The following ASH1L variants were observed in gnomAD, a reference collection of about 807,000 sequenced individuals.
ASH1L encodes the protein histone-lysine N-methyltransferase ASH1L.
In ASH1L, 23 loss-of-function variants were observed where a neutral mutation model predicts 269.0. The observed-to-expected ratio is 0.09, with a 90% CI of 0.06 to 0.12. ASH1L has a LOEUF of 0.12. Ranked by LOEUF, ASH1L falls within the 10% of genes least tolerant of loss-of-function variation. ASH1L has a pLI of 1.00. For synonymous variants in ASH1L, 1,187 were observed against 1,253.5 expected, an observed-to-expected ratio of 0.95 and a Z score of 1.12; for missense variants, 2,912 against 3,567.8, an observed-to-expected ratio of 0.82 and a Z score of 4.68.
chr1:155,341,427 T>C (rs1030903718), intron 25 of ASH1L, among the ~76,000 whole-genome samples: 5 of 152,030 alleles, frequency 3.3e-5, no homozygotes, highest in Admixed American at 2.0e-4. Flanking sequence ...CCGCCCACCT[T>C]GGCCTCCCAA....
At chr1:155,341,913 G>A in intron 25 of ASH1L, 23 bp downstream of exon 25, 1 of 1,612,678 alleles carries the variant, frequency 6.2e-7, no homozygotes, top group South Asian at 1.1e-5. Context: ...AACATGTAGT[G>A]TTAAGAAAGG....
intron 12 of ASH1L, among the ~76,000 whole-genome samples, chr1:155,362,267 C>T (rs1655031431): frequency 6.6e-6 from 1 of 151,988 alleles, no homozygotes; most frequent in Admixed American, 6.6e-5. Flanking sequence ...ATCTCCTGAG[C>T]TCGTGATCCG....
chr1:155,480,095 T>G lies in ASH1L; in HGVS notation c.2775A>C (p.Glu925Asp). 1.2e-6 allele frequency: 2 copies of G among 1,614,146 alleles called. No homozygotes were observed. Among genetic ancestry groups the G allele is most frequent in the Non-Finnish European group, 1.7e-6 (2 of 1,180,020 alleles). The change falls in exon 3 of 28, where the codon GAA becomes GAC. Residue 925 changes from glutamate (E) to aspartate (D), a missense_variant. Glu to Asp is a conservative substitution (Grantham distance 45). This residue lies in a region of ASH1L where 715 missense variants were observed against 721.0 expected (regional missense o/e 0.99). Transcript: ENST00000392403. ...ATESPSKLES[E>D]SDNHRSSSDF... The stretch of plus-strand genomic sequence containing the variant: ...CACTGCTACTTCTATGGTTGTCACT[T>G]TCAGATTCTAGCTTGCTTGGACTTT...
chr1:155,432,001 C>T (rs958882676), intron 5 of ASH1L, among the ~76,000 whole-genome samples: 35 of 152,128 alleles, frequency 2.3e-4, no homozygotes, highest in Admixed American at 7.2e-4. Context: ...CCTAGGTTTT[C>T]CGAGTCTAGA....
At chr1:155,358,417 T>C (rs1654609197) in intron 13 of ASH1L, among the ~76,000 whole-genome samples, 1 of 152,116 alleles carries the variant, frequency 6.6e-6, no homozygotes, top group South Asian at 2.1e-4. Context: ...CCAGGCATGG[T>C]GGCTCATGCC....
rs144315738 is a variant in ASH1L, at chr1:155,425,346, C to T, written c.5829-9423G>A. ...AGGCTGGAGTGCAGTGGCGCGATCT[C>T]GGATCACTGCAGCTTCTGCCTCCTG... On this transcript the variant is annotated intron_variant, in intron 5 of 27. Transcript: ENST00000392403. Among the ~76,000 whole-genome samples, 836 of 147,008 alleles carry T rather than the reference C, an allele frequency of 5.7e-3. 9 individuals carry two copies. Among genetic ancestry groups the T allele is most frequent in the African/African-American group, 0.021 (817 of 39,642 alleles).
intron 6 of ASH1L, among the ~76,000 whole-genome samples, chr1:155,415,325 T>C (rs1276402461): frequency 7.0e-6 from 1 of 141,992 alleles, no homozygotes; most frequent in Non-Finnish European, 1.5e-5. Flanking sequence ...GAGTTTGCAG[T>C]GAGCCAAGAT....
At chr1:155,456,770 C>T (rs1445321635) in intron 4 of ASH1L, among the ~76,000 whole-genome samples, 1 of 152,220 alleles carries the variant, frequency 6.6e-6, no homozygotes, top group Non-Finnish European at 1.5e-5. Flanking sequence ...CTTATCTACT[C>T]TGTCTGCATG....
chr1:155,371,828 G>C (rs1044735433), intron 10 of ASH1L, among the ~76,000 whole-genome samples: 3 of 151,380 alleles, frequency 2.0e-5, no homozygotes, highest in African/African-American at 4.9e-5. Context: ...CGAGTAGCTG[G>C]GATTACAGAT....
chr1:155,562,766 C>T lies in ASH1L; in HGVS notation c.-713G>A. 1.1e-6 allele frequency: 1 copy of T among 947,882 alleles called. No individual in the cohort carries two copies. 58.7% of individuals were successfully genotyped at this position (947,882 alleles called of 1,614,324 possible). On this transcript the variant is annotated 5_prime_UTR_variant, in exon 1 of 28. Coordinates refer to ENST00000392403, the MANE Select transcript of ASH1L (RefSeq NM_018489.3). The stretch of plus-strand genomic sequence containing the variant: ...CCTGTCAAGCCGGCGCCGGCGCAGG[C>T]CCTCACGCGTACCTTCAACGGCGCA...
intron 13 of ASH1L, 40 bp downstream of exon 13, chr1:155,360,261 G>T (rs765223556): frequency 2.3e-6 from 3 of 1,320,272 alleles, no homozygotes; most frequent in Non-Finnish European, 3.3e-6. Flanking sequence ...GCATTGTAAG[G>T]GATAAAGTTC....
Position 155,490,549 on chromosome 1 carries a change from C to T in ASH1L, c.421-8100G>A, listed in dbSNP as rs892140528. Among the ~76,000 whole-genome samples the T allele has an allele frequency of 9.3e-5, 14 of 151,202 alleles. No individual in the cohort carries two copies. The East Asian group carries it at 1.2e-3, about 13-fold the overall frequency. ...GGCAGAATTGCTTGAACCCAGGAGA[C>T]GGAGATTGCAGTGAGCAAAGATCGC... On this transcript the variant is annotated intron_variant, in intron 2 of 27. Transcript: ENST00000392403.
At chr1:155,412,196 C>T (rs912709393) in intron 6 of ASH1L, among the ~76,000 whole-genome samples, 1 of 150,948 alleles carries the variant, frequency 6.6e-6, no homozygotes, top group South Asian at 2.1e-4. Context: ...GAGCCAAGAT[C>T]TTGCCACTGC....
chr1:155,550,027 CT>C (rs34769708), intron 1 of ASH1L, among the ~76,000 whole-genome samples: 47,091 of 148,744 alleles, frequency 0.32, 7,819 homozygotes, highest in East Asian at 0.72. Flanking sequence ...ACGATAGCCT[CT>C]TTTTTTTTTT....
intron 8 of ASH1L, among the ~76,000 whole-genome samples, chr1:155,378,859 T>C (rs1156390809): frequency 6.6e-6 from 1 of 152,180 alleles, no homozygotes; most frequent in Non-Finnish European, 1.5e-5. Context: ...AGCTATTCAT[T>C]TGGACAAATT....
At chr1:155,512,444 T>A (rs563971081) in intron 2 of ASH1L, among the ~76,000 whole-genome samples, 1 of 135,128 alleles carries the variant, frequency 7.4e-6, no homozygotes, top group African/African-American at 2.5e-5. Flanking sequence ...CAAAGGATCT[T>A]AGACTTTTTT....
chr1:155,360,689 C>A (rs2148383752), intron 12 of ASH1L, among the ~76,000 whole-genome samples: 1 of 151,784 alleles, frequency 6.6e-6, no homozygotes, highest in South Asian at 2.1e-4. Context: ...GGTGATCTGC[C>A]CGCCTCGGCC....
At chr1:155,382,043 C>T (rs568870946) in intron 7 of ASH1L, among the ~76,000 whole-genome samples, 2 of 151,456 alleles carry the variant, frequency 1.3e-5, no homozygotes, top group Non-Finnish European at 2.9e-5. Flanking sequence ...CCTGTCTCTG[C>T]TAAAAATACA....
chr1:155,429,360 A>G (rs376511116), intron 5 of ASH1L, among the ~76,000 whole-genome samples: 6 of 152,086 alleles, frequency 3.9e-5, no homozygotes, highest in East Asian at 1.9e-4. Context: ...TGCAATCTCT[A>G]CCTCCTGGGC....
Sources: gnomAD v4.1 joint callset for allele counts (sites outside exome capture counted in the v4.1 genomes callset) on GRCh38, gnomAD v4.1.1 for gene constraint, gnomAD v4.1.1 regional missense constraint, MANE v1.5 for transcripts, NCBI Gene and HGNC (gene_info 2026-07-23, HGNC 2026-07-21) for gene names.